The following NDUFAF1 variants were observed in gnomAD, a reference collection of about 807,000 sequenced individuals.
NDUFAF1 encodes NADH:ubiquinone oxidoreductase complex assembly factor 1, also known as complex I intermediate-associated protein 30, mitochondrial.
In NDUFAF1, 18 loss-of-function variants were observed where a neutral mutation model predicts 28.7. The observed-to-expected ratio is 0.63, with a 90% confidence interval of 0.43 to 0.93. NDUFAF1 has a LOEUF of 0.93. Among genes scored for constraint, NDUFAF1 ranks in the 40% least tolerant of loss-of-function variants. The pLI, the probability that NDUFAF1 is intolerant of heterozygous loss-of-function variation, is 0.00. For missense variants in NDUFAF1, 404 were observed against 398.3 expected (o/e 1.01, Z -0.12); for synonymous variants, 113 against 139.7 (o/e 0.81, Z 1.35).
At chr15:41,392,865 C>G (rs2050332088) in intron 3 of NDUFAF1, among the ~76,000 whole-genome samples, 1 of 152,096 alleles carries the variant, frequency 6.6e-6, no homozygotes, top group Admixed American at 6.6e-5. Flanking sequence ...AGAAAGATAA[C>G]TCTGGCTGCT....
chr15:41,395,642 T>A, intron 2 of NDUFAF1, among the ~76,000 whole-genome samples: 1 of 149,874 alleles, frequency 6.7e-6, no homozygotes, highest in Non-Finnish European at 1.5e-5. Flanking sequence ...AGTGTGGGGA[T>A]TACAGGCATG....
At chr15:41,401,434 C>CTTT (rs748339568) in intron 1 of NDUFAF1, among the ~76,000 whole-genome samples, 1 of 138,426 alleles carries the variant, frequency 7.2e-6, no homozygotes, top group African/African-American at 2.7e-5. Context: ...CCATGCCCAA[C>CTTT]TTTTTTTTTT....
chr15:41,395,584 A>G (rs552172932), intron 2 of NDUFAF1, among the ~76,000 whole-genome samples: 38 of 144,962 alleles, frequency 2.6e-4, no homozygotes, highest in South Asian at 7.2e-4. Context: ...GTTAGCCAGG[A>G]TGGTCTCGAT....
chr15:41,387,634 T>C (rs770365464), intron 4 of NDUFAF1, 41 bp from the exon 5 acceptor site: 2 of 1,512,260 alleles, frequency 1.3e-6, no homozygotes, highest in Non-Finnish European at 1.8e-6. Context: ...TCTCATACAG[T>C]GACGTACTGA....
chr15:41,399,578 G>A (rs1349256414), intron 1 of NDUFAF1, among the ~76,000 whole-genome samples: 1 of 151,520 alleles, frequency 6.6e-6, no homozygotes, highest in Non-Finnish European at 1.5e-5. Context: ...ATACAGGCCG[G>A]GCGCGGTGGC....
chr15:41,402,680 C>A (rs1595414202), upstream of NDUFAF1, among the ~76,000 whole-genome samples: 1 of 151,094 alleles, frequency 6.6e-6, no homozygotes, highest in African/African-American at 2.4e-5. Context: ...ATAAGTTTTT[C>A]GCCTCTCCTT....
intron 1 of NDUFAF1, among the ~76,000 whole-genome samples, chr15:41,401,623 A>G (rs1360016933): frequency 1.3e-5 from 2 of 151,308 alleles, no homozygotes; most frequent in Non-Finnish European, 2.9e-5. Context: ...ACAGGGTTTC[A>G]CCATGTTGGC....
At chr15:41,395,591 C>T (rs979056309) in intron 2 of NDUFAF1, among the ~76,000 whole-genome samples, 12 of 149,954 alleles carry the variant, frequency 8.0e-5, no homozygotes, top group South Asian at 4.2e-4. Context: ...AGGATGGTCT[C>T]GATCTCCTGA....
At chr15:41,394,718 A>G (rs2050360586) in intron 3 of NDUFAF1, 141 bp downstream of exon 3, 4 of 709,598 alleles carry the variant, frequency 5.6e-6, no homozygotes, top group South Asian at 4.6e-5. Context: ...AGGTTTCACC[A>G]TGTTGGCCAA....
chr15:41,400,557 CTG>C (rs1443563968), intron 1 of NDUFAF1, among the ~76,000 whole-genome samples: 8 of 150,970 alleles, frequency 5.3e-5, no homozygotes, highest in Non-Finnish European at 1.2e-4. Context: ...GAGTCTCACT[CTG>C]TCACCCAGGC....
intron 1 of NDUFAF1, 87 bp from the exon 2 acceptor site, chr15:41,397,227 G>C (rs1475922206): frequency 1.6e-6 from 1 of 618,870 alleles, no homozygotes. Context: ...GTATTTTGAA[G>C]TTTGTTAACT....
chr15:41,401,915 A>G (rs908595414), intron 1 of NDUFAF1, among the ~76,000 whole-genome samples: 5 of 152,208 alleles, frequency 3.3e-5, no homozygotes, highest in African/African-American at 1.2e-4. Flanking sequence ...CCGAAATTTG[A>G]GAAACAAATG....
chr15:41,392,238 A>G (rs1352384120), intron 3 of NDUFAF1, among the ~76,000 whole-genome samples: 1 of 151,732 alleles, frequency 6.6e-6, no homozygotes, highest in African/African-American at 2.4e-5. Context: ...ACCTGCTGCT[A>G]ATTTTTTGTA....
chr15:41,394,692 G>A (rs1182624903), intron 3 of NDUFAF1, among the ~76,000 whole-genome samples, 167 bp downstream of exon 3: 2 of 135,278 alleles, frequency 1.5e-5, no homozygotes, highest in African/African-American at 5.8e-5. Context: ...GGAGTACAAT[G>A]GCACGATCAG....
intron 3 of NDUFAF1, among the ~76,000 whole-genome samples, chr15:41,391,016 G>A (rs1028848841): frequency 6.6e-6 from 1 of 151,918 alleles, no homozygotes; most frequent in African/African-American, 2.4e-5. Context: ...GCGACAGTGC[G>A]AGACTCTGTC....
At chr15:41,393,298 T>C (rs901283778) in intron 3 of NDUFAF1, among the ~76,000 whole-genome samples, 7 of 142,902 alleles carry the variant, frequency 4.9e-5, no homozygotes, top group African/African-American at 1.8e-4. Context: ...CTAATTTTTT[T>C]TTTTTTTTTT....
chr15:41,395,602 CCT>C (rs2050375792), intron 2 of NDUFAF1, among the ~76,000 whole-genome samples: 4 of 150,942 alleles, frequency 2.7e-5, no homozygotes, highest in Admixed American at 2.6e-4. Context: ...GATCTCCTGA[CCT>C]GGTGATCCGC....
chr15:41,394,347 T>C (rs2050354716), intron 3 of NDUFAF1: 2 of 1,288,886 alleles, frequency 1.6e-6, no homozygotes, highest in East Asian at 5.6e-5. Flanking sequence ...ACACCAACTT[T>C]AGCAGAGTTG....
intron 4 of NDUFAF1, 103 bp from the exon 5 acceptor site, chr15:41,387,696 T>A: frequency 2.1e-6 from 2 of 943,622 alleles, no homozygotes; most frequent in South Asian, 1.4e-5. Flanking sequence ...AACTGGGTTT[T>A]AATGCTATCA....
Sources: allele counts gnomAD v4.1 joint callset (sites outside exome capture counted in the v4.1 genomes callset), GRCh38; gene constraint gnomAD v4.1.1; transcripts MANE v1.5; gene names NCBI Gene and HGNC (gene_info 2026-07-23, HGNC 2026-07-21).